The following CNTLN variants were observed in gnomAD, a reference collection of about 807,000 sequenced individuals.
CNTLN encodes the protein centlein.
In CNTLN, 212 loss-of-function variants were observed where a neutral mutation model predicts 180.0. That is an observed-to-expected ratio of 1.18 (90% CI 1.05 to 1.32). CNTLN has a LOEUF of 1.32. Ranked by LOEUF, CNTLN falls within the 40% of genes most tolerant of loss-of-function variation. CNTLN has a pLI of 0.00. For synonymous variants in CNTLN, 722 were observed against 563.1 expected, an observed-to-expected ratio of 1.28 and a Z score of -3.99; for missense variants, 2,095 against 1,610.9, an observed-to-expected ratio of 1.30 and a Z score of -5.14.
At chr9:17,188,086 A>C (rs532807222) in intron 2 of CNTLN, among the ~76,000 whole-genome samples, 20 of 151,052 alleles carry the variant, frequency 1.3e-4, no homozygotes, top group Non-Finnish European at 2.4e-4. Context: ...ATTCTTTCCC[A>C]CTTCATGCTT....
chr9:17,380,218 T>C (rs1825126136), intron 13 of CNTLN, among the ~76,000 whole-genome samples: 1 of 152,118 alleles, frequency 6.6e-6, no homozygotes, highest in Non-Finnish European at 1.5e-5. Flanking sequence ...TTTCTTGCCA[T>C]GTGATAGACC....
intron 2 of CNTLN, among the ~76,000 whole-genome samples, chr9:17,202,258 G>T (rs1822583530): frequency 6.6e-6 from 1 of 152,138 alleles, no homozygotes. Flanking sequence ...TTCCAATTAT[G>T]TGGTCAATTT....
chr9:17,273,744 C>T lies in CNTLN; in HGVS notation c.861C>T (p.Asp287=). ...CACTCTAATTTTAGACCTTTGAAGA[C>T]AATTTAATTGAAGCAAGGAAAGAAG... ...STDAKIKTFE[D]NLIEARKEVE... Residue 287 remains aspartate, a synonymous_variant, in exon 6 of 26, where the codon GAC becomes GAT. Coordinates refer to ENST00000380647, the MANE Select transcript of CNTLN (RefSeq NM_017738.4). 2 of 1,519,838 alleles carry T rather than the reference C, an allele frequency of 1.3e-6. No individual in the cohort carries two copies. The highest frequency in any genetic ancestry group is 1.8e-6 in the Non-Finnish European group (2 of 1,130,440). The allele number at this position is 1,519,838 out of a possible 1,614,324, so 94.1% of individuals were successfully genotyped here. A position where few individuals can be genotyped will look rare whatever the true frequency, so the allele number is the denominator to read the frequency against.
At chr9:17,401,065 G>A (rs10963081) in intron 15 of CNTLN, among the ~76,000 whole-genome samples, 119,549 of 152,042 alleles carry the variant, frequency 0.79, 48,074 homozygotes, top group Non-Finnish European at 0.87. Context: ...CACTAAATTG[G>A]TCAAAAATCG....
At chr9:17,157,320 T>G (rs540090864) in intron 2 of CNTLN, among the ~76,000 whole-genome samples, 25 of 152,314 alleles carry the variant, frequency 1.6e-4, no homozygotes, top group African/African-American at 6.0e-4. Flanking sequence ...TTAGAGAGGT[T>G]TCAGGATTAT....
Position 17,309,226 on chromosome 9 carries a change from G to C in CNTLN, c.1315G>C (p.Glu439Gln). Reference sequence around the variant, plus strand: ...GGGAGCACCTCTTCCTTTACCTCAAGAAAGTGATCCAGACTACTCAGCACA... The same window carrying C: ...GGGAGCACCTCTTCCTTTACCTCAACAAAGTGATCCAGACTACTCAGCACA... The part of the protein sequence containing the change: ...SQGAPLPLPQ[E>Q]SDPDYSAQVP... Residue 439 changes from glutamate to glutamine, a missense_variant, in exon 8 of 26, where the codon GAA (glutamate) becomes CAA (glutamine). Glu to Gln is a conservative substitution (Grantham distance 29, BLOSUM62 2). Coordinates refer to ENST00000380647, the MANE Select transcript of CNTLN (RefSeq NM_017738.4). The C allele has an allele frequency of 1.9e-6, 3 of 1,599,954 alleles. No homozygotes were observed. The highest frequency in any genetic ancestry group is 1.7e-4 in the Middle Eastern group (1 of 5,974).
At chr9:17,147,443 C>G (rs1015803794) in intron 2 of CNTLN, among the ~76,000 whole-genome samples, 5 of 152,126 alleles carry the variant, frequency 3.3e-5, no homozygotes, top group Non-Finnish European at 5.9e-5. Context: ...GCTCTCTATA[C>G]TTACTAATTG....
At chr9:17,424,842 A>G (rs567489008) in intron 18 of CNTLN, among the ~76,000 whole-genome samples, 3 of 152,248 alleles carry the variant, frequency 2.0e-5, no homozygotes, top group South Asian at 2.1e-4. Context: ...TGACCTGGCA[A>G]TAAGGCCTTC....
rs187457601 is a variant in CNTLN at position 17,388,802 on chromosome 9, A to G, written c.2079+549A>G. ...CATCCATGTAAACCTTAGTCATATT[A>G]TAACATGTCTATCATTAATAGTAAA... On this transcript the variant is annotated intron_variant, in intron 14 of 25. Coordinates refer to ENST00000380647, the MANE Select transcript of CNTLN (RefSeq NM_017738.4). 3.5e-5 allele frequency among the ~76,000 whole-genome samples: 5 copies of G among 143,748 alleles called. No individual in the cohort carries two copies. The East Asian group carries it at 1.0e-3, about 30-fold the overall frequency. The allele number at this position is 143,748 out of a possible 152,430, so 94.3% of individuals were successfully genotyped here. A position where few individuals can be genotyped will look rare whatever the true frequency, so the allele number is the denominator to read the frequency against.
At chr9:17,198,349 A>C (rs1388274523) in intron 2 of CNTLN, among the ~76,000 whole-genome samples, 1 of 141,272 alleles carries the variant, frequency 7.1e-6, no homozygotes, top group Admixed American at 7.0e-5. Flanking sequence ...AATAATATTG[A>C]TTCGTCCAAT....
At position 17,147,121 on chromosome 9, in the gene CNTLN, G is replaced by A. The variant is rs535534830; in HGVS notation, c.449+3745G>A. ...AGAAGGTTTCTCCTTTGAATGTAAG[G>A]TTTGCCTATGGGCTTTTTGTAAGGC... On this transcript the variant is annotated intron_variant, in intron 2 of 25. Coordinates refer to ENST00000380647, the MANE Select transcript of CNTLN (RefSeq NM_017738.4). 6.6e-5 allele frequency among the ~76,000 whole-genome samples: 10 copies of A among 152,262 alleles called. No individual in the cohort carries two copies. The South Asian group carries it at 2.1e-3, about 32-fold the overall frequency.
rs543702702 is a variant in CNTLN at position 17,445,333 on chromosome 9, C to T, written c.3115-12191C>T. Among the ~76,000 whole-genome samples, 11 of 152,124 alleles carry T rather than the reference C, an allele frequency of 7.2e-5. No homozygotes were observed. The East Asian group carries it at 9.7e-4, about 13-fold the overall frequency. On this transcript the variant is annotated intron_variant, in intron 18 of 25. Transcript: ENST00000380647. ...CAAGACTTAGATACGGTACAACCAA[C>T]GAGAGACATACAGTTAACTATTGAC... is the stretch of plus-strand genomic sequence containing the variant.
intron 23 of CNTLN, among the ~76,000 whole-genome samples, chr9:17,478,929 A>G (rs1424164513): frequency 6.6e-6 from 1 of 152,222 alleles, no homozygotes; most frequent in African/African-American, 2.4e-5. Context: ...TCCAAAACAC[A>G]CAAATGACCA....
At chr9:17,143,161 G>GA in intron 1 of CNTLN, 127 bp from the exon 2 acceptor site, 1 of 623,428 alleles carries the variant, frequency 1.6e-6, no homozygotes, top group South Asian at 2.0e-5. Flanking sequence ...CCTTTAAAGA[G>GA]AATCAGTTGA....
At chr9:17,196,004 A>G (rs1459386408) in intron 2 of CNTLN, among the ~76,000 whole-genome samples, 4 of 152,134 alleles carry the variant, frequency 2.6e-5, no homozygotes, top group South Asian at 2.1e-4. Flanking sequence ...TAAAAGTCAT[A>G]TAGATCAGAG....
At chr9:17,427,817 CT>C (rs1349901916) in intron 18 of CNTLN, among the ~76,000 whole-genome samples, 2 of 152,130 alleles carry the variant, frequency 1.3e-5, no homozygotes, top group Non-Finnish European at 2.9e-5. Flanking sequence ...TTCCTCTTGT[CT>C]CAGATTTCCA....
At chr9:17,413,288 A>G (rs1383642570) in intron 16 of CNTLN, among the ~76,000 whole-genome samples, 1 of 152,192 alleles carries the variant, frequency 6.6e-6, no homozygotes, top group African/African-American at 2.4e-5. Context: ...ATATAAATGT[A>G]GAATATTAAA....
intron 13 of CNTLN, among the ~76,000 whole-genome samples, chr9:17,382,198 A>T (rs937736556): frequency 1.3e-5 from 2 of 152,200 alleles, no homozygotes; most frequent in African/African-American, 2.4e-5. Flanking sequence ...AATGGAGTAA[A>T]TGGATTGCAA....
At chr9:17,352,524 A>C (rs1822467245) in intron 12 of CNTLN, among the ~76,000 whole-genome samples, 1 of 151,748 alleles carries the variant, frequency 6.6e-6, no homozygotes, top group South Asian at 2.1e-4. Flanking sequence ...ACATATTTTG[A>C]AAACAAATGT....
Sources: gnomAD v4.1 joint callset for allele counts (sites outside exome capture counted in the v4.1 genomes callset) on GRCh38, gnomAD v4.1.1 for gene constraint, MANE v1.5 for transcripts, NCBI Gene and HGNC (gene_info 2026-07-23, HGNC 2026-07-21) for gene names.